Variants in PBX1 observed in about 807,000 individuals in gnomAD.
The protein encoded by PBX1 is PBX homeobox 1, also known as pre-B-cell leukemia transcription factor 1.
A neutral mutation model predicts 53.4 loss-of-function variants in PBX1; 6 were observed. The ratio of observed to expected loss-of-function variants is 0.11; its 90% CI spans 0.06 to 0.22. The LOEUF (loss-of-function observed/expected upper bound fraction) is 0.22, where lower values mean the gene tolerates loss of function less well. Ranked by LOEUF, PBX1 falls within the 10% of genes least tolerant of loss-of-function variation. The pLI, the probability that PBX1 is intolerant of heterozygous loss-of-function variation, is 1.00. For missense variants in PBX1, 251 were observed against 551.4 expected, an observed-to-expected ratio of 0.46 and a Z score of 5.46; for synonymous variants, 204 against 212.3, an observed-to-expected ratio of 0.96 and a Z score of 0.34.
chr1:164,710,513 G>A (rs961972356), intron 2 of PBX1, among the ~76,000 whole-genome samples: 1 of 152,090 alleles, frequency 6.6e-6, no homozygotes, highest in Non-Finnish European at 1.5e-5. Flanking sequence ...CTGGGTTCAA[G>A]CGATTCTCCT....
chr1:164,638,583 C>T (rs1215853163), intron 2 of PBX1, among the ~76,000 whole-genome samples: 1 of 152,154 alleles, frequency 6.6e-6, no homozygotes, highest in Non-Finnish European at 1.5e-5. Flanking sequence ...CACACATACA[C>T]TCACACACAC....
chr1:164,769,932 A>G (rs1397136902), intron 2 of PBX1: 1 of 152,164 alleles, frequency 6.6e-6, no homozygotes, highest in African/African-American at 2.4e-5. Context: ...ATAAGCAGAC[A>G]GTCCATGCTT....
chr1:164,664,359 A>G (rs1285431471), intron 2 of PBX1, among the ~76,000 whole-genome samples: 1 of 152,128 alleles, frequency 6.6e-6, no homozygotes, highest in East Asian at 1.9e-4. Flanking sequence ...GCCTTTGACA[A>G]CTGGTGTTGG....
intron 2 of PBX1, among the ~76,000 whole-genome samples, chr1:164,752,732 G>A (rs1260916943): frequency 2.0e-5 from 3 of 152,130 alleles, no homozygotes; most frequent in Non-Finnish European, 4.4e-5. Flanking sequence ...AATTGAAGGG[G>A]CAATTTTGAT....
At chr1:164,688,892 T>C (rs1243614674) in intron 2 of PBX1, among the ~76,000 whole-genome samples, 1 of 152,224 alleles carries the variant, frequency 6.6e-6, no homozygotes. Context: ...TGGCCCTTCA[T>C]GTCACTATTT....
chr1:164,771,943 T>A (rs1667394190), intron 2 of PBX1, among the ~76,000 whole-genome samples: 1 of 152,074 alleles, frequency 6.6e-6, no homozygotes, highest in Non-Finnish European at 1.5e-5. Flanking sequence ...GAGAATGGAA[T>A]GTAGAAACCG....
chr1:164,758,736 T>C (rs1050065415), intron 2 of PBX1, among the ~76,000 whole-genome samples: 9 of 152,270 alleles, frequency 5.9e-5, no homozygotes, highest in Non-Finnish European at 1.0e-4. Context: ...TTCATGCTCC[T>C]TCCAGCCAAG....
chr1:164,705,114 C>T lies in PBX1; in HGVS notation c.266-87380C>T, dbSNP rs114594066. On this transcript the variant is annotated intron_variant, in intron 2 of 8. Transcript: ENST00000420696. ...TCATTATGGGGGCTGCCCTGTGTAC[C>T]GTAAGCTGTTTAGCTGCATTCCTGG... Among the ~76,000 whole-genome samples, 1,273 of 152,198 alleles carry T rather than the reference C, an allele frequency of 8.4e-3. 22 individuals are homozygous for T. The highest frequency in any genetic ancestry group is 0.029 in the African/African-American group (1,205 of 41,516).
chr1:164,858,592 A>G (rs1571537174), intron 2 of PBX1, among the ~76,000 whole-genome samples: 1 of 152,220 alleles, frequency 6.6e-6, no homozygotes, highest in Non-Finnish European at 1.5e-5. Context: ...TGGATCTTGT[A>G]TTTCAATTAA....
intron 2 of PBX1, among the ~76,000 whole-genome samples, chr1:164,709,415 AG>A (rs1163973503): frequency 1.3e-5 from 2 of 152,138 alleles, no homozygotes; most frequent in Admixed American, 6.5e-5. Context: ...AAATAGAAAA[AG>A]GGGGAAAAAC....
intron 2 of PBX1, among the ~76,000 whole-genome samples, chr1:164,711,490 C>A (rs933839122): frequency 2.0e-5 from 3 of 152,202 alleles, no homozygotes; most frequent in East Asian, 3.9e-4. Flanking sequence ...GTCTCGATCT[C>A]CTGACCTCGT....
chr1:164,807,728 T>C, intron 5 of PBX1, 51 bp downstream of exon 5: 1 of 1,601,042 alleles, frequency 6.2e-7, no homozygotes, highest in Non-Finnish European at 8.5e-7. Flanking sequence ...TGGCGGGGCC[T>C]CCGGGGCAGG....
intron 2 of PBX1, among the ~76,000 whole-genome samples, chr1:164,746,426 G>T (rs1424006311): frequency 1.3e-5 from 2 of 152,008 alleles, no homozygotes; most frequent in Non-Finnish European, 2.9e-5. Context: ...GCCCAGGCTG[G>T]AGTGTAGTGG....
intron 2 of PBX1, among the ~76,000 whole-genome samples, chr1:164,669,603 G>A (rs1321122649): frequency 6.6e-6 from 1 of 152,134 alleles, no homozygotes; most frequent in Non-Finnish European, 1.5e-5. Flanking sequence ...TTTTTAGAAT[G>A]TACACACTGC....
intron 2 of PBX1, among the ~76,000 whole-genome samples, chr1:164,743,945 A>G (rs547980657): frequency 4.6e-5 from 7 of 152,202 alleles, no homozygotes; most frequent in African/African-American, 1.7e-4. Context: ...TTACCTGGGC[A>G]TATTACTTGA....
intron 2 of PBX1, among the ~76,000 whole-genome samples, chr1:164,676,886 C>T (rs1229058176): frequency 6.6e-6 from 1 of 152,086 alleles, no homozygotes; most frequent in Admixed American, 6.5e-5. Flanking sequence ...AATGTTTTTA[C>T]TTTTAAATAA....
rs574365336 is a variant in PBX1 at position 164,872,641 on chromosome 1, C to T, written n.258-26547C>T. Among the ~76,000 whole-genome samples the T allele has an allele frequency of 1.6e-4, 24 of 152,224 alleles. No homozygotes were observed. The Middle Eastern group carries it at 0.017, about 108-fold the overall frequency. On this transcript the variant is annotated intron_variant and non_coding_transcript_variant, in intron 2 of 2. Transcript: ENST00000558796. Reference sequence around the variant, plus strand: ...CCAGACAATGCACTTGCCTTTATGCCGCCTAAGACTGCATTTGCTTTTTGG... The same window carrying T: ...CCAGACAATGCACTTGCCTTTATGCTGCCTAAGACTGCATTTGCTTTTTGG...
intron 2 of PBX1, among the ~76,000 whole-genome samples, chr1:164,604,579 T>C (rs778896401): frequency 1.1e-4 from 17 of 152,232 alleles, no homozygotes; most frequent in Non-Finnish European, 2.1e-4. Context: ...ATGACCCTTT[T>C]TTATTCTGTC....
At chr1:164,584,264 G>T (rs574219999) in intron 2 of PBX1, among the ~76,000 whole-genome samples, 1 of 152,216 alleles carries the variant, frequency 6.6e-6, no homozygotes, top group South Asian at 2.1e-4. Context: ...CTACTAGGGA[G>T]GTTGAGGTGG....
Sources: allele counts gnomAD v4.1 joint callset (sites outside exome capture counted in the v4.1 genomes callset), GRCh38; gene constraint gnomAD v4.1.1; transcripts MANE v1.5; gene names NCBI Gene and HGNC (gene_info 2026-07-23, HGNC 2026-07-21).